The following MCFD2 variants were observed in gnomAD, a reference collection of about 807,000 sequenced individuals.
MCFD2 encodes multiple coagulation factor deficiency 2, ER cargo receptor complex subunit, also known as multiple coagulation factor deficiency protein 2.
MCFD2 carries 11 observed loss-of-function variants against 12.8 expected under a neutral mutation model. The ratio of observed to expected loss-of-function variants is 0.86; its 90% confidence interval spans 0.54 to 1.42. The LOEUF (loss-of-function observed/expected upper bound fraction) is 1.42. Among genes scored for constraint, MCFD2 ranks in the 40% most tolerant of loss-of-function variants. MCFD2 has a pLI of 0.00. For missense variants in MCFD2, 191 were observed against 178.6 expected, an observed-to-expected ratio of 1.07 and a Z score of -0.40; for synonymous variants, 70 against 68.1, an observed-to-expected ratio of 1.03 and a Z score of -0.14.
At chr2:46,913,637 G>A (rs1440709837) in intron 1 of MCFD2, 1 of 152,334 alleles carries the variant, frequency 6.6e-6, no homozygotes, top group African/African-American at 2.4e-5. Flanking sequence ...ATAAAGGCCA[G>A]GCTGAAGAAA....
At chr2:46,925,107 G>C (rs1463162317) in intron 1 of MCFD2, among the ~76,000 whole-genome samples, 3 of 152,168 alleles carry the variant, frequency 2.0e-5, no homozygotes, top group Admixed American at 6.5e-5. Flanking sequence ...CACTGCACTT[G>C]GTTTTCAATT....
At chr2:46,925,087 C>T (rs1236484978) in intron 1 of MCFD2, among the ~76,000 whole-genome samples, 1 of 152,188 alleles carries the variant, frequency 6.6e-6, no homozygotes, top group African/African-American at 2.4e-5. Context: ...TAATACAGAT[C>T]TGTTTGTTGC....
At chr2:46,939,800 C>A (rs1019784815) in intron 1 of MCFD2, among the ~76,000 whole-genome samples, 3 of 152,168 alleles carry the variant, frequency 2.0e-5, no homozygotes, top group Non-Finnish European at 4.4e-5. Context: ...CAAAGGCAGC[C>A]AAAGGGTAAC....
rs1280585968 is a variant in MCFD2 at position 46,934,800 on chromosome 2, T to C, written c.-8+6772A>G. 3.3e-5 allele frequency among the ~76,000 whole-genome samples: 4 copies of C among 119,410 alleles called. 1 individual carries two copies. The South Asian group carries it at 9.3e-4, about 28-fold the overall frequency. The allele number at this position is 119,410 out of a possible 152,430, so 78.3% of individuals were successfully genotyped here. A position where few individuals can be genotyped will look rare whatever the true frequency, so the allele number is the denominator to read the frequency against. ...AAGACTACTGCTCTTTTTTTTTTTTTTTTTTTTTTTTTTTTTTTTGAGACT... is the reference window on the plus strand; with the variant it reads ...AAGACTACTGCTCTTTTTTTTTTTTCTTTTTTTTTTTTTTTTTTTGAGACT... On this transcript the variant is annotated intron_variant, in intron 1 of 2. Transcript: ENST00000409147.
At chr2:46,920,566 C>T (rs183909504), upstream of MCFD2, among the ~76,000 whole-genome samples, 7 of 151,324 alleles carry the variant, frequency 4.6e-5, no homozygotes, top group East Asian at 1.9e-4. Flanking sequence ...CCTGAACTCA[C>T]GTGATCTGCC....
intron 1 of MCFD2, among the ~76,000 whole-genome samples, chr2:46,913,459 TCTAACTGCCAC>T (rs1230889224): frequency 1.3e-5 from 2 of 152,054 alleles, no homozygotes; most frequent in Admixed American, 1.3e-4. Context: ...AAACAGGGAA[TCTAACTGCCAC>T]CTAACAAATT....
At chr2:46,922,166 T>C (rs1023800218) in intron 1 of MCFD2, among the ~76,000 whole-genome samples, 1 of 152,106 alleles carries the variant, frequency 6.6e-6, no homozygotes, top group South Asian at 2.1e-4. Context: ...TAGTTACTTA[T>C]AGATTCTGAT....
At chr2:46,936,373 C>T (rs1317819042) in intron 1 of MCFD2, among the ~76,000 whole-genome samples, 1 of 152,140 alleles carries the variant, frequency 6.6e-6, no homozygotes, top group Non-Finnish European at 1.5e-5. Context: ...AATTTTGTCT[C>T]TGATCAAAAC....
chr2:46,926,182 G>A (rs546434671), intron 1 of MCFD2, among the ~76,000 whole-genome samples: 65 of 152,320 alleles, frequency 4.3e-4, no homozygotes, highest in African/African-American at 1.5e-3. Flanking sequence ...GTTGTGAGTC[G>A]TGAAGACTTT....
rs558502042 is a variant in MCFD2, at chr2:46,907,960, C to T, written c.159G>A (p.Met53Ile). The part of the protein sequence containing the change: ...KNTVHDQEHI[M>I]EHLEGVINKP... The stretch of plus-strand genomic sequence containing the variant: ...TGTTGATGACACCTTCTAGATGCTC[C>T]ATGATATGCCTAAAAATCAACAGTC... The change falls in exon 3 of 4, where the codon ATG becomes ATA. Residue 53 changes from methionine to isoleucine, a missense_variant. Met to Ile is a conservative substitution (Grantham distance 10). Coordinates refer to ENST00000319466, the MANE Select transcript of MCFD2 (RefSeq NM_139279.6). This position sits in a 1 kb window ranked among gnomAD's most constrained non-coding sequence, Gnocchi z 4.1. 2 of 1,614,164 alleles carry T rather than the reference C, an allele frequency of 1.2e-6. No homozygotes were observed. Among genetic ancestry groups the T allele is most frequent in the East Asian group, 2.2e-5 (1 of 44,886 alleles).
rs1244086989 is a variant in MCFD2 at position 46,902,240 on chromosome 2, C to T, written c.*3223G>A. On this transcript the variant is annotated 3_prime_UTR_variant, in exon 4 of 4. Coordinates refer to ENST00000319466, the MANE Select transcript of MCFD2 (RefSeq NM_139279.6). ...TTTTTGGGTTCCTTTTCTAATCTTT[C>T]CTGATTTGAAAAGAATCCATGTATC... is the stretch of plus-strand genomic sequence containing the variant. 6.6e-6 allele frequency: 1 copy of T among 152,556 alleles called. No individual in the cohort carries two copies. Among genetic ancestry groups the T allele is most frequent in the Non-Finnish European group, 1.5e-5 (1 of 68,030 alleles). The allele number at this position is 152,556 out of a possible 1,614,324, so 9.5% of individuals were successfully genotyped here.
chr2:46,915,905 T>C (rs1668752153), upstream of MCFD2: 3 of 983,488 alleles, frequency 3.1e-6, no homozygotes, highest in African/African-American at 3.5e-5. Context: ...GGCGGCGGGC[T>C]GTGAGGACGG....
intron 1 of MCFD2, among the ~76,000 whole-genome samples, chr2:46,939,624 A>T (rs943240015): frequency 5.9e-5 from 9 of 152,128 alleles, no homozygotes; most frequent in South Asian, 2.1e-4. Context: ...GCAGGAAAGG[A>T]GGTCTTATTT....
intron 1 of MCFD2, among the ~76,000 whole-genome samples, chr2:46,929,933 T>G (rs1669602863): frequency 6.6e-6 from 1 of 152,174 alleles, no homozygotes; most frequent in Non-Finnish European, 1.5e-5. Flanking sequence ...ATTGTCAATG[T>G]TTTAGACAGT....
Position 46,904,973 on chromosome 2 carries a change from T to G in MCFD2, c.*490A>C, listed in dbSNP as rs757318063. 8.9e-6 allele frequency: 2 copies of G among 225,632 alleles called. No homozygotes were observed. Among genetic ancestry groups the G allele is most frequent in the African/African-American group, 2.3e-5 (1 of 43,320 alleles). The allele number at this position is 225,632 out of a possible 1,614,324, so 14.0% of individuals were successfully genotyped here. ...GACCCAAGGGGAGGTAATTGAATCATGGGGGCCAGTCTTTCCCATGCTATT... is the reference window on the plus strand; with the variant it reads ...GACCCAAGGGGAGGTAATTGAATCAGGGGGGCCAGTCTTTCCCATGCTATT... On this transcript the variant is annotated 3_prime_UTR_variant, in exon 4 of 4. Transcript: ENST00000319466.
chr2:46,940,239 C>G lies in MCFD2; in HGVS notation c.-8+1333G>C, dbSNP rs1449672489. 6.6e-6 allele frequency among the ~76,000 whole-genome samples: 1 copy of G among 152,130 alleles called. No individual in the cohort carries two copies. Among genetic ancestry groups the G allele is most frequent in the African/African-American group, 2.4e-5 (1 of 41,424 alleles). ...ACTCCAGAGGGAGGACGTGGAGCAC[C>G]TTCTAACTCTTAGGAGTCTGCTCAA... On this transcript the variant is annotated intron_variant, in intron 1 of 2. Coordinates refer to the MCFD2 transcript ENST00000409147. This position sits in a 1 kb window ranked among gnomAD's most constrained non-coding sequence, Gnocchi z 4.7.
rs970074403 is a variant in MCFD2, at chr2:46,908,415, C to T, written c.150-446G>A. ...AGCTGGGACCATAGGCATGTACTGC[C>T]ACATCCAGCTAATTTTTTGCAATTT... On this transcript the variant is annotated intron_variant, in intron 2 of 3. Transcript: ENST00000319466. The surrounding 1 kb of genome is among the most constrained non-coding windows in gnomAD (Gnocchi z 4.5). The T allele has an allele frequency of 1.6e-4, 43 of 272,858 alleles. No individual in the cohort carries two copies. Among genetic ancestry groups the T allele is most frequent in the African/African-American group, 9.7e-4 (43 of 44,142 alleles). 16.9% of individuals were successfully genotyped at this position (272,858 alleles called of 1,614,324 possible). A position where few individuals can be genotyped will look rare whatever the true frequency, so the allele number is the denominator to read the frequency against.
Position 46,907,868 on chromosome 2 carries a change from C to G in MCFD2, c.251G>C (p.Gly84Ala). ...TTCTAAGCCATCAAGCAAATTATTGCCATCATAATCATGCATTTTGAAGTA... is the reference window on the plus strand; with the variant it reads ...TTCTAAGCCATCAAGCAAATTATTGGCATCATAATCATGCATTTTGAAGTA... The part of the protein sequence containing the change: ...LHYFKMHDYD[G>A]NNLLDGLELS... The change falls in exon 3 of 4, where the codon GGC (glycine) becomes GCC (alanine). Residue 84 changes from glycine (G) to alanine (A), a missense_variant. Coordinates refer to ENST00000319466, the MANE Select transcript of MCFD2 (RefSeq NM_139279.6). The surrounding 1 kb of genome is among the most constrained non-coding windows in gnomAD (Gnocchi z 4.1). The G allele has an allele frequency of 1.9e-6, 3 of 1,614,150 alleles. No homozygotes were observed. Among genetic ancestry groups the G allele is most frequent in the Non-Finnish European group, 2.5e-6 (3 of 1,180,022 alleles).
rs571788452 is a variant in MCFD2 at position 46,929,067 on chromosome 2, G to A, written c.-8+12505C>T. 2.6e-5 allele frequency among the ~76,000 whole-genome samples: 4 copies of A among 152,138 alleles called. No individual in the cohort carries two copies. The South Asian group carries it at 8.3e-4, about 31-fold the overall frequency. On this transcript the variant is annotated intron_variant, in intron 1 of 2. Coordinates refer to the MCFD2 transcript ENST00000409147. Reference sequence around the variant, plus strand: ...AATCTCAGCTGTTTGGTAGGTTGAGGTGGGAGAATCGCTTGAACCTGGAAG... The same window carrying A: ...AATCTCAGCTGTTTGGTAGGTTGAGATGGGAGAATCGCTTGAACCTGGAAG...
Sources: gnomAD v4.1 joint callset for allele counts (sites outside exome capture counted in the v4.1 genomes callset) on GRCh38, gnomAD v4.1.1 for gene constraint, Gnocchi (gnomAD v3.1) non-coding constraint, MANE v1.5 for transcripts, NCBI Gene and HGNC (gene_info 2026-07-23, HGNC 2026-07-21) for gene names.